Variants in MYOM1 observed in about 807,000 individuals in gnomAD.
MYOM1 encodes myomesin 1.
MYOM1 carries 164 observed loss-of-function variants against 205.3 expected under a neutral mutation model. The observed-to-expected ratio is 0.80, with a 90% CI of 0.70 to 0.91. The LOEUF (loss-of-function observed/expected upper bound fraction) is 0.91. Ranked by LOEUF, MYOM1 falls within the 40% of genes least tolerant of loss-of-function variation. MYOM1 has a pLI of 0.00. For synonymous variants in MYOM1, 772 were observed against 789.4 expected (o/e 0.98, Z 0.37); for missense variants, 2,011 against 2,127.3 (o/e 0.95, Z 1.08).
intron 20 of MYOM1, among the ~76,000 whole-genome samples, chr18:3,117,600 C>T (rs1374936533): frequency 2.0e-5 from 3 of 152,308 alleles, no homozygotes; most frequent in Admixed American, 6.5e-5. Context: ...AAGTGATTGC[C>T]TGTATCTTTG....
At chr18:3,240,240 T>C in the MYOM1 span, among the ~76,000 whole-genome samples, 1 of 152,294 alleles carries the variant, frequency 6.6e-6, no homozygotes, top group Admixed American at 6.5e-5. Flanking sequence ...ATCAGGAATC[T>C]TTGTCTTTTA....
At chr18:3,227,552 C>T in the MYOM1 span, among the ~76,000 whole-genome samples, 1 of 152,146 alleles carries the variant, frequency 6.6e-6, no homozygotes, top group African/African-American at 2.4e-5. Context: ...GGCGCGGTGG[C>T]TCACACCTGT....
chr18:3,212,861 G>A (rs1189430767), intron 2 of MYOM1, among the ~76,000 whole-genome samples: 3 of 152,180 alleles, frequency 2.0e-5, no homozygotes, highest in Non-Finnish European at 4.4e-5. Flanking sequence ...TGAGGCAAGT[G>A]CTAAAAGAAA....
intron 33 of MYOM1, among the ~76,000 whole-genome samples, chr18:3,082,800 TAGA>T (rs2079099528): frequency 6.6e-6 from 1 of 152,172 alleles, no homozygotes; most frequent in African/African-American, 2.4e-5. Flanking sequence ...TGAACTTGAA[TAGA>T]GTCCCTGTAT....
intron 29 of MYOM1, 104 bp from the exon 30 acceptor site, chr18:3,086,255 G>A (rs1019219495): frequency 6.8e-5 from 38 of 559,954 alleles, no homozygotes; most frequent in Admixed American, 1.8e-4. Flanking sequence ...AGCACTGAAC[G>A]TGGAGTGAGA....
rs1263713981 is a variant in MYOM1, at chr18:3,116,588, G to A, written c.3119-73C>T. 2.2e-6 allele frequency: 3 copies of A among 1,348,136 alleles called. No homozygotes were observed. The African/African-American group carries it at 4.4e-5, about 20-fold the overall frequency. The allele number at this position is 1,348,136 out of a possible 1,614,324, so 83.5% of individuals were successfully genotyped here. ...CGTCTCCACACGTTTAGAACCACTT[G>A]TAAGTCTTCAAGCTAATCTAACACT... On this transcript the variant is annotated intron_variant, in intron 20 of 37. Coordinates refer to ENST00000356443, the MANE Select transcript of MYOM1 (RefSeq NM_003803.4).
At chr18:3,154,674 A>G (rs1365830720) in intron 11 of MYOM1, among the ~76,000 whole-genome samples, 1 of 151,236 alleles carries the variant, frequency 6.6e-6, no homozygotes, top group Admixed American at 6.6e-5. Flanking sequence ...ATATATACCC[A>G]TTTTATATAT....
intron 26 of MYOM1, among the ~76,000 whole-genome samples, chr18:3,091,984 G>A (rs911574178): frequency 5.3e-5 from 8 of 151,896 alleles, no homozygotes; most frequent in South Asian, 2.1e-4. Flanking sequence ...TGCCCACCTC[G>A]GCCTCCCAAA....
chr18:3,156,102 G>A (rs1344473575), intron 10 of MYOM1, among the ~76,000 whole-genome samples: 1 of 152,142 alleles, frequency 6.6e-6, no homozygotes, highest in East Asian at 1.9e-4. Flanking sequence ...GGGAGAGAAG[G>A]GGGAATGAAA....
chr18:3,126,323 CT>C lies in MYOM1; in HGVS notation c.2991+377del, dbSNP rs139040855. On this transcript the variant is annotated intron_variant, in intron 19 of 37. Coordinates refer to ENST00000356443, the MANE Select transcript of MYOM1 (RefSeq NM_003803.4). The stretch of plus-strand genomic sequence containing the variant: ...CAGAGTGTCATTAAATCCTGGGAAT[CT>C]TTTTTTTTTTTCCCCCTCAACTTGA... Among the ~76,000 whole-genome samples, 796 of 135,562 alleles carry C rather than the reference CT, an allele frequency of 5.9e-3. 7 individuals are homozygous for C. The highest frequency in any genetic ancestry group is 0.016 in the African/African-American group (592 of 37,162). The allele number at this position is 135,562 out of a possible 152,430, so 88.9% of individuals were successfully genotyped here. A position where few individuals can be genotyped will look rare whatever the true frequency, so the allele number is the denominator to read the frequency against.
chr18:3,128,894 C>T (rs1598702659), intron 18 of MYOM1, among the ~76,000 whole-genome samples: 1 of 152,184 alleles, frequency 6.6e-6, no homozygotes, highest in East Asian at 1.9e-4. Flanking sequence ...CTCACACAGG[C>T]TAGCAGTACC....
intron 5 of MYOM1, among the ~76,000 whole-genome samples, chr18:3,182,777 C>T (rs2080754180): frequency 6.6e-6 from 1 of 152,034 alleles, no homozygotes; most frequent in South Asian, 2.1e-4. Flanking sequence ...ATAAATGTAC[C>T]CTATTAAATT....
intron 19 of MYOM1, among the ~76,000 whole-genome samples, chr18:3,124,928 C>T (rs2079757981): frequency 6.6e-6 from 1 of 152,102 alleles, no homozygotes; most frequent in South Asian, 2.1e-4. Context: ...GACTTACAGA[C>T]CTGCAAAGGA....
At chr18:3,077,097 C>T (rs1250603639) in intron 34 of MYOM1, among the ~76,000 whole-genome samples, 2 of 151,710 alleles carry the variant, frequency 1.3e-5, no homozygotes, top group African/African-American at 4.9e-5. Context: ...GAGGTAGCCT[C>T]GAACTCCTGG....
At chr18:3,091,881 G>A (rs1408977996) in intron 26 of MYOM1, among the ~76,000 whole-genome samples, 1 of 151,952 alleles carries the variant, frequency 6.6e-6, no homozygotes, top group Non-Finnish European at 1.5e-5. Context: ...ACAGGCGTGT[G>A]CCACCATACC....
At position 3,135,755 on chromosome 18, in the gene MYOM1, T is replaced by C. The variant is rs752001601; in HGVS notation, c.2026-25A>G. ...ACTGCAGCAAGAACAGGGAAACCCA[T>C]TGAAAGCACAGCAAACACAAGCGAG... is the stretch of plus-strand genomic sequence containing the variant. On this transcript the variant is annotated intron_variant, in intron 14 of 37. Transcript: ENST00000356443. This position sits in a 1 kb window ranked among gnomAD's most constrained non-coding sequence, Gnocchi z 4.1. The C allele has an allele frequency of 5.2e-5, 84 of 1,612,362 alleles. No individual in the cohort carries two copies. Among genetic ancestry groups the C allele is most frequent in the East Asian group, 4.9e-4 (22 of 44,874 alleles).
In MYOM1 at chr18:3,134,705, C is replaced by T. The variant is rs372147749; in HGVS notation, c.2329G>A (p.Val777Ile). Residue 777 changes from valine (V) to isoleucine (I), a missense_variant, in exon 16 of 38, where the codon GTT becomes ATT. Physicochemically the swap from Val to Ile is conservative, Grantham distance 29 (BLOSUM62 3). Coordinates refer to ENST00000356443, the MANE Select transcript of MYOM1 (RefSeq NM_003803.4). ...ELVGYYIEAS[V>I]AGSGKWEPCN... ...GGCTCCCACTTGCCAGAGCCAGCAA[C>T]GCTCGCCTCTATGTAGTACCCGACC... 60 of 1,613,810 alleles carry T rather than the reference C, an allele frequency of 3.7e-5. No individual in the cohort carries two copies. The highest frequency in any genetic ancestry group is 1.1e-4 in the South Asian group (10 of 91,086).
intron 5 of MYOM1, among the ~76,000 whole-genome samples, chr18:3,186,657 CTTTT>C (rs1200705201): frequency 3.3e-5 from 5 of 152,068 alleles, no homozygotes; most frequent in Admixed American, 6.5e-5. Context: ...CCAATTCTTT[CTTTT>C]GTTTGGTGTC....
chr18:3,223,308 T>G (rs1335042518), upstream of MYOM1, among the ~76,000 whole-genome samples: 1 of 152,194 alleles, frequency 6.6e-6, no homozygotes, highest in Non-Finnish European at 1.5e-5. Flanking sequence ...TTAGCTACCA[T>G]TATGAGGACT....
Sources: allele counts gnomAD v4.1 joint callset (sites outside exome capture counted in the v4.1 genomes callset), GRCh38; gene constraint gnomAD v4.1.1; non-coding constraint Gnocchi (gnomAD v3.1); transcripts MANE v1.5; gene names NCBI Gene and HGNC (gene_info 2026-07-23, HGNC 2026-07-21).